CWC22: variants seen among roughly 807,000 people sequenced by gnomAD.
CWC22 encodes the protein CWC22 spliceosome associated protein.
CWC22 carries 53 observed loss-of-function variants against 117.2 expected under a neutral mutation model. The observed-to-expected ratio is 0.45, with a 90% CI of 0.36 to 0.57. The LOEUF is 0.57. Ranked by LOEUF, CWC22 falls within the 20% of genes least tolerant of loss-of-function variation. The probability of loss-of-function intolerance (pLI) is 0.00; values close to 1 mark genes in which losing one functional copy is unlikely to be tolerated. For synonymous variants in CWC22, 360 were observed against 355.6 expected, an observed-to-expected ratio of 1.01 and a Z score of -0.14; for missense variants, 980 against 1,068.8, an observed-to-expected ratio of 0.92 and a Z score of 1.16.
chr2:179,995,861 T>C (rs1307587532), intron 1 of CWC22, among the ~76,000 whole-genome samples: 1 of 152,156 alleles, frequency 6.6e-6, no homozygotes, highest in Non-Finnish European at 1.5e-5. Context: ...CCATTCTCAT[T>C]TGAAGAACAA....
At chr2:179,981,603 G>A (rs762057426) in intron 5 of CWC22, 149 bp downstream of exon 5, 1 of 621,962 alleles carries the variant, frequency 1.6e-6, no homozygotes, top group Non-Finnish European at 2.8e-6. Context: ...GCTCTCCAAT[G>A]GAGCTATAAA....
At chr2:179,974,023 A>T (rs1024702215) in intron 6 of CWC22, among the ~76,000 whole-genome samples, 16 of 152,174 alleles carry the variant, frequency 1.1e-4, no homozygotes, top group African/African-American at 3.4e-4. Flanking sequence ...TTTTACTGCA[A>T]TTTATCACCA....
intron 15 of CWC22, 93 bp from the exon 16 acceptor site, chr2:179,954,450 A>C: frequency 1.4e-6 from 1 of 733,344 alleles, no homozygotes; most frequent in East Asian, 2.8e-5. Flanking sequence ...AAACTTTATT[A>C]ATATGCTTTA....
chr2:179,994,340 G>C (rs907982308), intron 1 of CWC22, among the ~76,000 whole-genome samples: 4 of 152,116 alleles, frequency 2.6e-5, no homozygotes, highest in African/African-American at 9.7e-5. Flanking sequence ...GTGTCAGAAA[G>C]GGTATAACAG....
chr2:180,004,651 C>G (rs1687927075), intron 1 of CWC22, among the ~76,000 whole-genome samples: 2 of 152,160 alleles, frequency 1.3e-5, no homozygotes, highest in South Asian at 4.1e-4. Context: ...TCCCAAAGTG[C>G]TGGGAATGCA....
chr2:179,946,058 T>A (rs985221898), intron 19 of CWC22, among the ~76,000 whole-genome samples: 1 of 152,136 alleles, frequency 6.6e-6, no homozygotes, highest in African/African-American at 2.4e-5. Context: ...AATTTTCGTA[T>A]TTTTAGTAGA....
chr2:180,000,502 G>C (rs932734736), intron 1 of CWC22, among the ~76,000 whole-genome samples: 5 of 152,298 alleles, frequency 3.3e-5, no homozygotes, highest in Admixed American at 6.5e-5. Context: ...ATGTAGTATA[G>C]GCACTGCAGT....
chr2:179,954,226 G>A lies in CWC22; in HGVS notation c.1668C>T (p.Tyr556=). The stretch of plus-strand genomic sequence containing the variant: ...TTACACTCCATGGAAGTGAATCAGT[G>A]TATAAAAGGTGAGCAAACATCTTAG... ...NVAKMFAHLL[Y]TDSLPWSVLE... is the part of the protein sequence containing the mutation. The change falls in exon 16 of 20, where the codon TAC becomes TAT. Residue 556 remains tyrosine, a synonymous_variant. Transcript: ENST00000410053. 2 of 1,611,550 alleles carry A rather than the reference G, an allele frequency of 1.2e-6. No individual in the cohort carries two copies. Among genetic ancestry groups the A allele is most frequent in the Non-Finnish European group, 1.7e-6 (2 of 1,178,330 alleles).
At chr2:180,002,163 T>C (rs567819899) in intron 1 of CWC22, among the ~76,000 whole-genome samples, 3 of 152,344 alleles carry the variant, frequency 2.0e-5, no homozygotes, top group Non-Finnish European at 1.5e-5. Context: ...AAATCCACAG[T>C]GGAACTAATT....
chr2:180,005,218 A>ACTTAT (rs1687941898), intron 1 of CWC22, among the ~76,000 whole-genome samples: 1 of 152,198 alleles, frequency 6.6e-6, no homozygotes, highest in African/African-American at 2.4e-5. Context: ...CTTATAACCA[A>ACTTAT]GACAGTCTCA....
chr2:179,945,225 T>C lies in CWC22; in HGVS notation c.2631A>G (p.Arg877=). The C allele has an allele frequency of 6.2e-7, 1 of 1,613,866 alleles. No individual in the cohort carries two copies. Among genetic ancestry groups the C allele is most frequent in the Admixed American group, 1.7e-5 (1 of 60,024 alleles). ...DEDRYQNGAE[R]RWEKSSRYSE... is the part of the protein sequence containing the mutation. The stretch of plus-strand genomic sequence containing the variant: ...AGTATCTGCTAGATTTTTCCCATCG[T>C]CTCTCGGCACCATTTTGATATCTAT... Residue 877 remains arginine, a synonymous_variant, in exon 20 of 20, where the codon AGA becomes AGG. Coordinates refer to ENST00000410053, the MANE Select transcript of CWC22 (RefSeq NM_020943.3).
Position 179,981,801 on chromosome 2 carries a change from G to C in CWC22, c.403C>G (p.Pro135Ala), listed in dbSNP as rs762856572. Residue 135 changes from proline to alanine, a missense_variant, in exon 5 of 20, where the codon CCC (proline) becomes GCC (alanine). Physicochemically the swap from Pro to Ala is conservative, Grantham distance 27. This residue lies in a region of CWC22 where 559 missense variants were observed against 602.3 expected (regional missense o/e 0.93). Transcript: ENST00000410053. ...LLTRTGGAYI[P>A]PAKLRMMQEQ... is the part of the protein sequence containing the mutation. ...TGCATCATCCTGAGCTTTGCAGGGG[G>C]AATATATGCTCCACCAGTGCGAGTA... The C allele has an allele frequency of 2.5e-5, 40 of 1,613,754 alleles. No individual in the cohort carries two copies. The highest frequency in any genetic ancestry group is 3.4e-6 in the Non-Finnish European group (4 of 1,179,852).
At chr2:179,959,322 T>C (rs1575641369) in intron 13 of CWC22, among the ~76,000 whole-genome samples, 2 of 152,142 alleles carry the variant, frequency 1.3e-5, no homozygotes, top group Admixed American at 6.5e-5. Context: ...AGACTACATA[T>C]AGTATGATTC....
In CWC22 at chr2:179,945,050, T is replaced by C. The variant is rs1240743845; in HGVS notation, c.*79A>G. The C allele has an allele frequency of 1.1e-6, 1 of 920,434 alleles. No homozygotes were observed. Among genetic ancestry groups the C allele is most frequent in the Non-Finnish European group, 1.6e-6 (1 of 626,652 alleles). 57.0% of individuals were successfully genotyped at this position (920,434 alleles called of 1,614,324 possible). ...AAACCAATACTTTATACAAGAATTC[T>C]CTATAAAGTTCGTCAAAGTAAAAAA... On this transcript the variant is annotated 3_prime_UTR_variant, in exon 20 of 20. Coordinates refer to ENST00000410053, the MANE Select transcript of CWC22 (RefSeq NM_020943.3).
rs370821682 is a variant in CWC22, at chr2:179,945,274, T to C, written c.2582A>G (p.His861Arg). ...ATCTTCATCACTTCTTGAGCCTGAG[T>C]GCTTTCTATTCATTTCCTTTGACTT... Reference protein sequence around the residue: ...RSKSKEMNRKHSGSRSDEDRY... With the variant: ...RSKSKEMNRKRSGSRSDEDRY... The change falls in exon 20 of 20, where the codon CAC becomes CGC. Residue 861 changes from histidine (H) to arginine (R), a missense_variant. His to Arg is a conservative substitution (Grantham distance 29). Coordinates refer to ENST00000410053, the MANE Select transcript of CWC22 (RefSeq NM_020943.3). 1.2e-6 allele frequency: 2 copies of C among 1,613,780 alleles called. No homozygotes were observed. Among genetic ancestry groups the C allele is most frequent in the Non-Finnish European group, 1.7e-6 (2 of 1,179,814 alleles).
At chr2:179,990,573 AGAGAGAAAG>A (rs1209531860) in intron 2 of CWC22, among the ~76,000 whole-genome samples, 3 of 151,916 alleles carry the variant, frequency 2.0e-5, no homozygotes, top group African/African-American at 7.3e-5. Flanking sequence ...AGAGAGAGAG[AGAGAGAAAG>A]AAGAAGGAGG....
intron 2 of CWC22, among the ~76,000 whole-genome samples, chr2:179,990,908 C>T (rs184840328): frequency 2.0e-5 from 3 of 152,046 alleles, no homozygotes; most frequent in Middle Eastern, 3.2e-3. Context: ...AGTGGGAAAA[C>T]GGGGACTTGA....
intron 7 of CWC22, 135 bp downstream of exon 7, chr2:179,973,499 G>T: frequency 1.5e-6 from 1 of 679,502 alleles, no homozygotes; most frequent in East Asian, 2.8e-5. Context: ...GATCAAAGAA[G>T]TTCTCATGAA....
intron 19 of CWC22, among the ~76,000 whole-genome samples, chr2:179,950,047 G>A (rs900368445): frequency 1.3e-5 from 2 of 152,062 alleles, no homozygotes; most frequent in African/African-American, 2.4e-5. Flanking sequence ...CTGGGGTACC[G>A]GTATATCTTG....
Sources: gnomAD v4.1 joint callset for allele counts (sites outside exome capture counted in the v4.1 genomes callset) on GRCh38, gnomAD v4.1.1 for gene constraint, gnomAD v4.1.1 regional missense constraint, MANE v1.5 for transcripts, NCBI Gene and HGNC (gene_info 2026-07-23, HGNC 2026-07-21) for gene names.